Variants in INPP4B observed in about 807,000 individuals in gnomAD.
INPP4B encodes the protein inositol polyphosphate 4-phosphatase type II.
INPP4B carries 55 observed loss-of-function variants against 122.5 expected under a neutral mutation model. The ratio of observed to expected loss-of-function variants is 0.45; its 90% CI spans 0.36 to 0.56. The LOEUF is 0.56. Ranked by LOEUF, INPP4B falls within the 20% of genes least tolerant of loss-of-function variation. The pLI is 0.00. For missense variants in INPP4B, 1,000 were observed against 1,097.7 expected (o/e 0.91, Z 1.26); for synonymous variants, 403 against 388.7 (o/e 1.04, Z -0.43).
At chr4:142,208,671 C>T in intron 13 of INPP4B, 142 bp from the exon 14 acceptor site, 1 of 545,000 alleles carries the variant, frequency 1.8e-6, no homozygotes, top group Non-Finnish European at 3.0e-6. Context: ...TTTTCTTTTA[C>T]AAATTCAATA....
intron 2 of INPP4B, among the ~76,000 whole-genome samples, chr4:142,643,008 G>A (rs1750878926): frequency 6.6e-6 from 1 of 152,068 alleles, no homozygotes; most frequent in Admixed American, 6.6e-5. Context: ...GGATTCCTAG[G>A]TATTTTATTC....
intron 5 of INPP4B, among the ~76,000 whole-genome samples, chr4:142,409,355 T>C (rs1157793712): frequency 6.6e-6 from 1 of 152,008 alleles, no homozygotes. Flanking sequence ...TAGCTGGCCA[T>C]GGTGGTGGGT....
At chr4:142,431,076 T>C (rs1183766038) in intron 4 of INPP4B, 93 bp downstream of exon 4, 3 of 864,852 alleles carry the variant, frequency 3.5e-6, no homozygotes, top group African/African-American at 1.7e-5. Flanking sequence ...GAAGTTCCTA[T>C]GAATCTATGA....
intron 23 of INPP4B, among the ~76,000 whole-genome samples, chr4:142,089,460 CACACACACACACACACACACAGAG>C (rs1778417098): frequency 6.8e-6 from 1 of 147,718 alleles, no homozygotes; most frequent in Non-Finnish European, 1.5e-5. Context: ...CACACACACA[CACACACACACACACACACACAGAG>C]AGAGAGAGAG....
chr4:142,257,830 T>G (rs1010745466), intron 11 of INPP4B, among the ~76,000 whole-genome samples: 1 of 151,814 alleles, frequency 6.6e-6, no homozygotes, highest in African/African-American at 2.4e-5. Context: ...AATGACTTTC[T>G]TCACAGAATT....
intron 21 of INPP4B, among the ~76,000 whole-genome samples, chr4:142,114,368 G>A (rs995648701): frequency 6.6e-5 from 10 of 152,088 alleles, no homozygotes; most frequent in African/African-American, 2.4e-4. Flanking sequence ...TTTTAAGACT[G>A]CCAAACTGTT....
At chr4:142,831,288 A>G (rs17016812) in intron 1 of INPP4B, among the ~76,000 whole-genome samples, 15,265 of 152,200 alleles carry the variant, frequency 0.1, 2,521 homozygotes, top group African/African-American at 0.34. Flanking sequence ...GTTGCCTGAC[A>G]GTTCTATATA....
At chr4:142,838,070 A>G (rs2151202235) in intron 1 of INPP4B, among the ~76,000 whole-genome samples, 1 of 151,776 alleles carries the variant, frequency 6.6e-6, no homozygotes, top group East Asian at 1.9e-4. Flanking sequence ...TGTGAACCAG[A>G]ACAGAGCTTA....
chr4:142,747,143 C>A (rs1414071294), intron 1 of INPP4B, among the ~76,000 whole-genome samples: 2 of 151,208 alleles, frequency 1.3e-5, no homozygotes, highest in African/African-American at 2.4e-5. Context: ...GGCTAATATC[C>A]AAAATCTACA....
chr4:142,166,705 C>A (rs1322506063), intron 16 of INPP4B, among the ~76,000 whole-genome samples: 2 of 150,698 alleles, frequency 1.3e-5, no homozygotes, highest in African/African-American at 2.4e-5. Context: ...AAAAAAAAAA[C>A]AACCACATTA....
intron 7 of INPP4B, among the ~76,000 whole-genome samples, chr4:142,399,330 G>C (rs1190911455): frequency 1.3e-5 from 2 of 151,206 alleles, no homozygotes; most frequent in East Asian, 4.0e-4. Context: ...CTGACTAGCT[G>C]GGATTACAGG....
chr4:142,282,232 G>A (rs1048584366), intron 9 of INPP4B, among the ~76,000 whole-genome samples: 5 of 152,012 alleles, frequency 3.3e-5, no homozygotes, highest in African/African-American at 1.2e-4. Context: ...CATCCTTCTT[G>A]GGGCAAGATT....
chr4:142,801,179 A>G lies in INPP4B; in HGVS notation c.-254+45030T>C, dbSNP rs548971626. Among the ~76,000 whole-genome samples, 3 of 152,332 alleles carry G rather than the reference A, an allele frequency of 2.0e-5. No homozygotes were observed. The South Asian group carries it at 6.2e-4, about 32-fold the overall frequency. ...ACTGGAGGTATGGTCAAAAGCGGAA[A>G]ACAGGTGGTTGCAGTAATCTAAGCA... On this transcript the variant is annotated intron_variant, in intron 1 of 25. Coordinates refer to ENST00000262992, the MANE Select transcript of INPP4B (RefSeq NM_001101669.3).
At chr4:142,207,592 G>T (rs899875023) in intron 14 of INPP4B, among the ~76,000 whole-genome samples, 2 of 152,104 alleles carry the variant, frequency 1.3e-5, no homozygotes, top group Non-Finnish European at 2.9e-5. Flanking sequence ...ATGGGTATTA[G>T]TAGGATGACC....
intron 1 of INPP4B, among the ~76,000 whole-genome samples, chr4:142,765,592 G>A (rs1000965798): frequency 2.0e-5 from 3 of 152,160 alleles, no homozygotes; most frequent in Non-Finnish European, 4.4e-5. Context: ...TTTGCTTGAA[G>A]ATAAAATTAA....
intron 25 of INPP4B, chr4:142,029,257 C>T (rs62329504): frequency 0.041 from 41,113 of 1,003,032 alleles, 902 homozygotes; most frequent in Middle Eastern, 0.051. Context: ...TTCTCAGTCT[C>T]TTTAAAACAC....
At chr4:142,062,237 G>C (rs974979387) in intron 25 of INPP4B, among the ~76,000 whole-genome samples, 6 of 151,826 alleles carry the variant, frequency 4.0e-5, no homozygotes, top group Non-Finnish European at 7.4e-5. Context: ...GTCTGCTCTT[G>C]CCCACCATCA....
intron 18 of INPP4B, among the ~76,000 whole-genome samples, chr4:142,133,450 C>T (rs1290966228): frequency 6.6e-6 from 1 of 152,184 alleles, no homozygotes; most frequent in East Asian, 1.9e-4. Context: ...CATCATGCCT[C>T]ACCTTGACAA....
chr4:142,573,637 A>T (rs1337880762), intron 2 of INPP4B, among the ~76,000 whole-genome samples: 1 of 152,032 alleles, frequency 6.6e-6, no homozygotes, highest in Non-Finnish European at 1.5e-5. Flanking sequence ...TTACCTTTCG[A>T]TTGGGCCATA....
Sources: allele counts gnomAD v4.1 joint callset (sites outside exome capture counted in the v4.1 genomes callset), GRCh38; gene constraint gnomAD v4.1.1; transcripts MANE v1.5; gene names NCBI Gene and HGNC (gene_info 2026-07-23, HGNC 2026-07-21).